Variants in PRDM16 observed in about 807,000 individuals in gnomAD.
The protein encoded by PRDM16 is PR/SET domain 16.
In PRDM16, 23 loss-of-function variants were observed where a neutral mutation model predicts 110.6. The observed-to-expected ratio is 0.21, with a 90% confidence interval of 0.15 to 0.29. The LOEUF is 0.29. PRDM16 is among the 10% of genes least tolerant of loss of function. PRDM16 has a pLI of 1.00. For synonymous variants in PRDM16, 799 were observed against 781.8 expected (o/e 1.02, Z -0.37); for missense variants, 1,615 against 1,794.3 (o/e 0.90, Z 1.81).
intron 2 of PRDM16, among the ~76,000 whole-genome samples, chr1:3,240,479 T>C (rs1639644282): frequency 6.6e-6 from 1 of 151,392 alleles, no homozygotes; most frequent in Non-Finnish European, 1.5e-5. Flanking sequence ...GAAGGTTTGC[T>C]CTCAATGCCA....
intron 1 of PRDM16, among the ~76,000 whole-genome samples, chr1:3,180,774 C>T (rs530708943): frequency 8.2e-4 from 111 of 135,948 alleles, no homozygotes; most frequent in African/African-American, 2.9e-3. Flanking sequence ...ACCCAGAGGC[C>T]GCATAGAGGC....
At chr1:3,347,981 G>A (rs538327094) in intron 3 of PRDM16, among the ~76,000 whole-genome samples, 57 of 152,318 alleles carry the variant, frequency 3.7e-4, no homozygotes, top group African/African-American at 1.3e-3. Flanking sequence ...CTCTGGACAC[G>A]GGGCTGTGCA....
chr1:3,113,562 T>C (rs114340142), intron 1 of PRDM16, among the ~76,000 whole-genome samples: 2,839 of 152,240 alleles, frequency 0.019, 78 homozygotes, highest in African/African-American at 0.064. Flanking sequence ...GGGAGGGGCC[T>C]GCGTCCATGG....
intron 12 of PRDM16, among the ~76,000 whole-genome samples, chr1:3,422,902 C>G (rs1369977226): frequency 6.6e-6 from 1 of 152,204 alleles, no homozygotes. Flanking sequence ...TCAGCTGACC[C>G]GGGCAGGAGC....
chr1:3,327,440 G>A (rs1341795287), intron 3 of PRDM16, among the ~76,000 whole-genome samples: 3 of 152,138 alleles, frequency 2.0e-5, no homozygotes, highest in Admixed American at 1.3e-4. Flanking sequence ...GCCCTCCCAG[G>A]CCCACCCAGA....
At position 3,186,176 on chromosome 1, in the gene PRDM16, C is replaced by T; in HGVS notation, c.89C>T (p.Ala30Val). 5 of 1,612,876 alleles carry T rather than the reference C, an allele frequency of 3.1e-6. No homozygotes were observed. Among genetic ancestry groups the T allele is most frequent in the Non-Finnish European group, 4.2e-6 (5 of 1,179,964 alleles). ...TATGAGCCCAACCGGGACCTGCTGG[C>T]CAGCCACAGCGCGGAGGACGAGGCC... ...NMYEPNRDLL[A>V]SHSAEDEAED... is the part of the protein sequence containing the mutation. Residue 30 changes from alanine (A) to valine (V), a missense_variant, in exon 2 of 17, where the codon GCC becomes GTC. Coordinates refer to ENST00000270722, the MANE Select transcript of PRDM16 (RefSeq NM_022114.4).
intron 1 of PRDM16, among the ~76,000 whole-genome samples, chr1:3,130,648 G>A (rs1222218988): frequency 6.6e-6 from 1 of 152,034 alleles, no homozygotes; most frequent in Non-Finnish European, 1.5e-5. Context: ...GTAACTCGCC[G>A]CCTTCTCTTT....
chr1:3,188,196 C>A (rs1420763601), intron 2 of PRDM16, among the ~76,000 whole-genome samples: 2 of 152,162 alleles, frequency 1.3e-5, no homozygotes, highest in African/African-American at 2.4e-5. Context: ...TCCCTCCCTG[C>A]CTGGTGTGTG....
At chr1:3,226,702 A>C (rs1168478386) in intron 2 of PRDM16, among the ~76,000 whole-genome samples, 9 of 152,340 alleles carry the variant, frequency 5.9e-5, no homozygotes, top group African/African-American at 2.2e-4. Flanking sequence ...TGCCAACTGC[A>C]GAGAGGGGCC....
intron 1 of PRDM16, among the ~76,000 whole-genome samples, chr1:3,134,654 T>A (rs936090526): frequency 6.6e-6 from 1 of 152,264 alleles, no homozygotes; most frequent in Non-Finnish European, 1.5e-5. Context: ...TGAAGGACCT[T>A]GACCTAATTG....
chr1:3,389,446 T>G (rs1377908417), intron 4 of PRDM16, among the ~76,000 whole-genome samples: 1 of 152,154 alleles, frequency 6.6e-6, no homozygotes, highest in African/African-American at 2.4e-5. Flanking sequence ...GGGGGCTGCT[T>G]GTGGGCCCCA....
chr1:3,134,695 T>C (rs1040638732), intron 1 of PRDM16, among the ~76,000 whole-genome samples: 1 of 152,148 alleles, frequency 6.6e-6, no homozygotes, highest in Non-Finnish European at 1.5e-5. Flanking sequence ...GCACCTAGAG[T>C]GTTCAGAAAG....
At chr1:3,284,753 T>C (rs1432313020) in intron 3 of PRDM16, among the ~76,000 whole-genome samples, 1 of 152,182 alleles carries the variant, frequency 6.6e-6, no homozygotes, top group African/African-American at 2.4e-5. Flanking sequence ...GCCATGCGTC[T>C]TGGGGGCTTC....
At chr1:3,263,054 A>G (rs1014493282) in intron 3 of PRDM16, among the ~76,000 whole-genome samples, 2 of 152,102 alleles carry the variant, frequency 1.3e-5, no homozygotes, top group African/African-American at 4.8e-5. Flanking sequence ...TCCTCTGGGC[A>G]TGCAGCCTCT....
chr1:3,390,835 T>G lies in PRDM16; in HGVS notation c.573+5549T>G, dbSNP rs113419457. Among the ~76,000 whole-genome samples the G allele has an allele frequency of 4.7e-4, 15 of 32,048 alleles. No individual in the cohort carries two copies. The highest frequency in any genetic ancestry group is 9.2e-4 in the African/African-American group (10 of 10,912). 21.0% of individuals were successfully genotyped at this position (32,048 alleles called of 152,430 possible). ...CTTTGCTTTTATCTCTCACAGTGTG[T>G]TTTTTTTTTTTTTTTTTTAGACAGA... On this transcript the variant is annotated intron_variant, in intron 4 of 16. Coordinates refer to ENST00000270722, the MANE Select transcript of PRDM16 (RefSeq NM_022114.4). The surrounding 1 kb of genome is among the most constrained non-coding windows in gnomAD (Gnocchi z 5.0).
chr1:3,077,501 C>T (rs902185885), intron 1 of PRDM16, among the ~76,000 whole-genome samples: 1 of 152,214 alleles, frequency 6.6e-6, no homozygotes, highest in Non-Finnish European at 1.5e-5. Context: ...TGAACCTGTT[C>T]CTCCAGCAGG....
intron 3 of PRDM16, among the ~76,000 whole-genome samples, chr1:3,327,493 C>T (rs1464820135): frequency 3.9e-5 from 6 of 152,030 alleles, no homozygotes; most frequent in East Asian, 1.9e-4. Flanking sequence ...GGACCAACAA[C>T]GGCGGCGGCC....
At chr1:3,089,444 G>C (rs866680997) in intron 1 of PRDM16, among the ~76,000 whole-genome samples, 8 of 152,392 alleles carry the variant, frequency 5.2e-5, no homozygotes, top group African/African-American at 1.7e-4. Flanking sequence ...GAGGCTGTGA[G>C]AGCTGGTTAG....
At chr1:3,094,204 C>A (rs1642340217) in intron 1 of PRDM16, among the ~76,000 whole-genome samples, 2 of 152,232 alleles carry the variant, frequency 1.3e-5, no homozygotes, top group African/African-American at 4.8e-5. Flanking sequence ...AGGCCTGGAG[C>A]CGCGGAGGAG....
Sources: gnomAD v4.1 joint callset for allele counts (sites outside exome capture counted in the v4.1 genomes callset) on GRCh38, gnomAD v4.1.1 for gene constraint, Gnocchi (gnomAD v3.1) non-coding constraint, MANE v1.5 for transcripts, NCBI Gene and HGNC (gene_info 2026-07-23, HGNC 2026-07-21) for gene names.